Variants in ZNF43 observed in about 807,000 individuals in gnomAD.
ZNF43 encodes the protein zinc finger protein 39-like 1 (KOX 27).
A neutral mutation model predicts 68.4 loss-of-function variants in ZNF43; 44 were observed. The ratio of observed to expected loss-of-function variants is 0.64; its 90% CI spans 0.51 to 0.83. The LOEUF (loss-of-function observed/expected upper bound fraction) is 0.83. Ranked by LOEUF, ZNF43 falls within the 40% of genes least tolerant of loss-of-function variation. The pLI, the probability that ZNF43 is intolerant of heterozygous loss-of-function variation, is 0.00. For synonymous variants in ZNF43, 308 were observed against 307.8 expected (o/e 1.00, Z -0.01); for missense variants, 896 against 933.2 (o/e 0.96, Z 0.52).
intron 3 of ZNF43, among the ~76,000 whole-genome samples, chr19:21,813,242 T>A (rs1464808345): frequency 2.7e-5 from 4 of 146,862 alleles, no homozygotes; most frequent in Admixed American, 6.8e-5. Flanking sequence ...AAACTCTGTC[T>A]CCAAAAAAAA....
intron 3 of ZNF43, among the ~76,000 whole-genome samples, chr19:21,810,958 G>A (rs1158850939): frequency 2.6e-5 from 4 of 151,772 alleles, no homozygotes; most frequent in South Asian, 2.1e-4. Flanking sequence ...CAACAACAAC[G>A]ACGACGACAA....
At chr19:21,836,265 A>G, upstream of ZNF43, 1 of 1,368,622 alleles carries the variant, frequency 7.3e-7, no homozygotes, top group Non-Finnish European at 9.5e-7. Flanking sequence ...AGCGTCCCTG[A>G]TTGGATAACT....
chr19:21,817,418 A>G (rs2037582874), intron 3 of ZNF43, among the ~76,000 whole-genome samples: 1 of 152,228 alleles, frequency 6.6e-6, no homozygotes, highest in Non-Finnish European at 1.5e-5. Flanking sequence ...TCATAATTTC[A>G]TATTATTTAA....
rs759153660 is a variant in ZNF43, at chr19:21,809,309, G to A, written c.728C>T (p.Ser243Leu). The A allele has an allele frequency of 1.2e-6, 2 of 1,613,432 alleles. No homozygotes were observed. The highest frequency in any genetic ancestry group is 2.2e-5 in the East Asian group (1 of 44,848). Residue 243 changes from serine to leucine, a missense_variant, in exon 4 of 4, where the codon TCA (serine) becomes TTA (leucine). Ser to Leu is a moderately radical substitution (Grantham distance 145). Transcript: ENST00000354959. ...ATTTTTTTTATGTGTAGTAAGGCGTGAGGACCAATTAAAGACTTTGCCACA... is the reference window on the plus strand; with the variant it reads ...ATTTTTTTTATGTGTAGTAAGGCGTAAGGACCAATTAAAGACTTTGCCACA... ...EECGKVFNWS[S>L]RLTTHKKNYT...
At chr19:21,839,231 A>C (rs1967329965), upstream of ZNF43, among the ~76,000 whole-genome samples, 1 of 151,334 alleles carries the variant, frequency 6.6e-6, no homozygotes, top group Non-Finnish European at 1.5e-5. Flanking sequence ...AGAATATGTC[A>C]TAATACCTTT....
intron 3 of ZNF43, among the ~76,000 whole-genome samples, chr19:21,817,059 T>C (rs1479628383): frequency 6.6e-6 from 1 of 151,924 alleles, no homozygotes; most frequent in Admixed American, 6.6e-5. Context: ...TGGCCAAACA[T>C]GGCGAAACCC....
chr19:21,825,315 TG>T (rs2038061065), intron 1 of ZNF43, among the ~76,000 whole-genome samples: 1 of 152,136 alleles, frequency 6.6e-6, no homozygotes, highest in African/African-American at 2.4e-5. Flanking sequence ...GATTATTGAT[TG>T]GATATACATT....
chr19:21,808,968 G>A lies in ZNF43; in HGVS notation c.1069C>T (p.Leu357Phe). Residue 357 changes from leucine to phenylalanine, a missense_variant, in exon 4 of 4, where the codon CTT becomes TTT. Leu to Phe is a conservative substitution (Grantham distance 22, BLOSUM62 0). Coordinates refer to ENST00000354959, the MANE Select transcript of ZNF43 (RefSeq NM_003423.4). ...CGKAFNQFSNLTTHKRIHTAE... is the reference protein window; with the variant it reads ...CGKAFNQFSNFTTHKRIHTAE... ...GTATGGATTCTCTTATGTGTAGTAAGGTTTGAGAACTGGTTAAAGGCTTTG... is the reference window on the plus strand; with the variant it reads ...GTATGGATTCTCTTATGTGTAGTAAAGTTTGAGAACTGGTTAAAGGCTTTG... 1 of 1,613,556 alleles carries A rather than the reference G, an allele frequency of 6.2e-7. No individual in the cohort carries two copies. The highest frequency in any genetic ancestry group is 2.2e-5 in the East Asian group (1 of 44,844).
chr19:21,818,332 A>G (rs112494370), intron 2 of ZNF43, among the ~76,000 whole-genome samples: 4,978 of 152,140 alleles, frequency 0.033, 123 homozygotes, highest in African/African-American at 0.076. Flanking sequence ...CAAACTCCTG[A>G]CCGGGTGATC....
intron 1 of ZNF43, among the ~76,000 whole-genome samples, chr19:21,820,827 GTAAT>G (rs2037795817): frequency 7.0e-6 from 1 of 143,450 alleles, no homozygotes; most frequent in African/African-American, 2.7e-5. Flanking sequence ...CCCATGTTCT[GTAAT>G]TTTTTTTTTT....
At chr19:21,826,724 T>C (rs1395027333) in intron 1 of ZNF43, among the ~76,000 whole-genome samples, 2 of 151,768 alleles carry the variant, frequency 1.3e-5, no homozygotes, top group Non-Finnish European at 2.9e-5. Flanking sequence ...TACTCCAAGC[T>C]ACTAAGGAGG....
At chr19:21,844,921 A>AAAAAAAAAAAAAATAT (rs1310761266) in intron 1 of ZNF43, among the ~76,000 whole-genome samples, 2 of 26,050 alleles carry the variant, frequency 7.7e-5, no homozygotes, top group African/African-American at 4.4e-4. Context: ...AAAAAAAAAA[A>AAAAAAAAAAAAAATAT]ATATATATAT....
intron 1 of ZNF43, among the ~76,000 whole-genome samples, chr19:21,844,128 C>A (rs1010980008): frequency 1.3e-5 from 2 of 151,964 alleles, no homozygotes; most frequent in African/African-American, 4.8e-5. Flanking sequence ...CGGCCCTAGG[C>A]CCAGACTGGG....
chr19:21,844,921 A>AAAAAAAAAAATATAT (rs1310761266), intron 1 of ZNF43, among the ~76,000 whole-genome samples: 2 of 26,052 alleles, frequency 7.7e-5, no homozygotes, highest in African/African-American at 4.4e-4. Context: ...AAAAAAAAAA[A>AAAAAAAAAAATATAT]ATATATATAT....
In ZNF43 at chr19:21,808,127, A is replaced by T; in HGVS notation, c.1910T>A (p.Leu637His). The T allele has an allele frequency of 6.2e-7, 1 of 1,613,158 alleles. No individual in the cohort carries two copies. Among genetic ancestry groups the T allele is most frequent in the Non-Finnish European group, 8.5e-7 (1 of 1,179,818 alleles). ...CGKAFNQFSTLTKHKIIHTEE... is the reference protein window; with the variant it reads ...CGKAFNQFSTHTKHKIIHTEE... ...AGTGTGAATTATCTTATGTTTAGTAAGAGTTGAGAACTGGTTAAAAGCTTT... is the reference window on the plus strand; with the variant it reads ...AGTGTGAATTATCTTATGTTTAGTATGAGTTGAGAACTGGTTAAAAGCTTT... Residue 637 changes from leucine to histidine, a missense_variant, in exon 4 of 4, where the codon CTT becomes CAT. Coordinates refer to ENST00000354959, the MANE Select transcript of ZNF43 (RefSeq NM_003423.4).
chr19:21,819,586 C>T (rs1288781994), intron 1 of ZNF43, among the ~76,000 whole-genome samples: 1 of 151,986 alleles, frequency 6.6e-6, no homozygotes, highest in African/African-American at 2.4e-5. Flanking sequence ...TTAGAAGGGA[C>T]CTTTAAAATA....
chr19:21,837,527 C>T (rs1362515612), upstream of ZNF43, among the ~76,000 whole-genome samples: 1 of 147,530 alleles, frequency 6.8e-6, no homozygotes, highest in Non-Finnish European at 1.5e-5. Flanking sequence ...CAGGTTCAAG[C>T]GATTCTCCTG....
chr19:21,852,018 ACG>A (rs1234307367), exon 1 of ZNF43: 2 of 1,464,594 alleles, frequency 1.4e-6, no homozygotes, highest in Admixed American at 2.1e-5. Flanking sequence ...GAGTTGGAGA[ACG>A]CGGAAAAGCA....
chr19:21,811,023 A>G (rs2037247452), intron 3 of ZNF43, among the ~76,000 whole-genome samples: 1 of 152,198 alleles, frequency 6.6e-6, no homozygotes, highest in Non-Finnish European at 1.5e-5. Context: ...AAATTGCATA[A>G]AACTAGGAAT....
Sources: allele counts gnomAD v4.1 joint callset (sites outside exome capture counted in the v4.1 genomes callset), GRCh38; gene constraint gnomAD v4.1.1; transcripts MANE v1.5; gene names NCBI Gene and HGNC (gene_info 2026-07-23, HGNC 2026-07-21).